Variants in PDE4B observed in about 807,000 individuals in gnomAD.
The protein encoded by PDE4B is phosphodiesterase 4B, also known as 3',5'-cyclic-AMP phosphodiesterase 4B.
Under a neutral mutation model 82.2 loss-of-function variants are expected in PDE4B, and 20 were observed. That is an observed-to-expected ratio of 0.24 (90% CI 0.17 to 0.35). PDE4B has a LOEUF of 0.35. Ranked by LOEUF, PDE4B falls within the 10% of genes least tolerant of loss-of-function variation. PDE4B has a pLI of 1.00. For missense variants in PDE4B, 655 were observed against 907.2 expected (o/e 0.72, Z 3.57); for synonymous variants, 320 against 318.9 (o/e 1.00, Z -0.04).
intron 1 of PDE4B, among the ~76,000 whole-genome samples, chr1:65,823,466 A>ACTGTCTTT (rs1645978911): frequency 6.6e-6 from 1 of 150,708 alleles, no homozygotes; most frequent in Non-Finnish European, 1.5e-5. Context: ...GTTGAGAGTG[A>ACTGTCTTT]CTGTCTTTAT....
intron 7 of PDE4B, among the ~76,000 whole-genome samples, chr1:66,317,343 C>T (rs1226641036): frequency 6.6e-6 from 1 of 152,164 alleles, no homozygotes; most frequent in Non-Finnish European, 1.5e-5. Flanking sequence ...CTCTGCTGCA[C>T]CAAACCCTAC....
intron 3 of PDE4B, among the ~76,000 whole-genome samples, chr1:66,056,215 T>C (rs2100878535): frequency 6.6e-6 from 1 of 152,324 alleles, no homozygotes; most frequent in African/African-American, 2.4e-5. Context: ...ATTTCAATTG[T>C]TATTTGCATG....
intron 3 of PDE4B, among the ~76,000 whole-genome samples, chr1:66,151,477 A>G (rs1340156674): frequency 6.6e-6 from 1 of 152,112 alleles, no homozygotes; most frequent in Non-Finnish European, 1.5e-5. Flanking sequence ...AGTCTGACAA[A>G]ATCTCAATCA....
At chr1:65,922,093 C>T (rs1360666085) in intron 3 of PDE4B, among the ~76,000 whole-genome samples, 1 of 152,120 alleles carries the variant, frequency 6.6e-6, no homozygotes, top group East Asian at 1.9e-4. Flanking sequence ...TTTTATTTGT[C>T]ATGGAGCAAG....
intron 3 of PDE4B, among the ~76,000 whole-genome samples, chr1:66,216,056 C>A (rs1158377459): frequency 6.6e-6 from 1 of 152,016 alleles, no homozygotes; most frequent in Admixed American, 6.6e-5. Flanking sequence ...AACTCAAAAA[C>A]CATGTGAGGT....
intron 3 of PDE4B, among the ~76,000 whole-genome samples, chr1:66,206,180 C>T (rs1649536031): frequency 6.6e-6 from 1 of 152,182 alleles, no homozygotes; most frequent in Non-Finnish European, 1.5e-5. Flanking sequence ...TGGATATTTT[C>T]TCTCAGGGTC....
At chr1:66,092,770 G>A (rs1432263018) in intron 3 of PDE4B, among the ~76,000 whole-genome samples, 1 of 151,934 alleles carries the variant, frequency 6.6e-6, no homozygotes, top group Admixed American at 6.6e-5. Flanking sequence ...GAGAAAGTTG[G>A]GTGTGGGTGG....
chr1:65,795,815 C>T (rs1022186568), intron 1 of PDE4B, among the ~76,000 whole-genome samples: 1 of 152,180 alleles, frequency 6.6e-6, no homozygotes, highest in South Asian at 2.1e-4. Context: ...GATAACAAGG[C>T]GGTTCCCAAG....
chr1:65,843,748 T>C (rs1400931253), intron 1 of PDE4B, among the ~76,000 whole-genome samples: 2 of 152,144 alleles, frequency 1.3e-5, no homozygotes, highest in Non-Finnish European at 2.9e-5. Flanking sequence ...CATATTATTC[T>C]TCCAAAAATT....
chr1:66,074,961 G>A (rs2100938423), intron 3 of PDE4B, among the ~76,000 whole-genome samples: 1 of 152,048 alleles, frequency 6.6e-6, no homozygotes, highest in Non-Finnish European at 1.5e-5. Flanking sequence ...CCCCCAAATT[G>A]GGTCTTAGCG....
intron 3 of PDE4B, among the ~76,000 whole-genome samples, chr1:66,227,978 A>G (rs1157206174): frequency 6.6e-6 from 1 of 152,224 alleles, no homozygotes; most frequent in East Asian, 1.9e-4. Flanking sequence ...AAAGCTTTGT[A>G]TGAAATGGCT....
intron 3 of PDE4B, among the ~76,000 whole-genome samples, chr1:66,117,608 C>T (rs1225255950): frequency 6.6e-6 from 1 of 151,642 alleles, no homozygotes; most frequent in African/African-American, 2.4e-5. Flanking sequence ...TTTGTATGTT[C>T]CTCATAATAC....
chr1:66,073,472 T>C (rs1656265995), intron 3 of PDE4B, among the ~76,000 whole-genome samples: 1 of 152,090 alleles, frequency 6.6e-6, no homozygotes, highest in South Asian at 2.1e-4. Flanking sequence ...ATAGAAGGGA[T>C]GGGGAAACTA....
chr1:66,266,388 A>G (rs1490521525), intron 7 of PDE4B, among the ~76,000 whole-genome samples: 3 of 152,216 alleles, frequency 2.0e-5, no homozygotes, highest in Non-Finnish European at 4.4e-5. Flanking sequence ...TTGACAGTGC[A>G]GCTTGACCTC....
intron 3 of PDE4B, among the ~76,000 whole-genome samples, chr1:66,032,771 T>A (rs1004848162): frequency 1.3e-5 from 2 of 151,516 alleles, no homozygotes; most frequent in Admixed American, 1.3e-4. Context: ...TTCTCCTGCC[T>A]CAGCCTCTTG....
chr1:65,845,200 G>A (rs894502907), intron 1 of PDE4B, among the ~76,000 whole-genome samples: 1 of 152,122 alleles, frequency 6.6e-6, no homozygotes, highest in African/African-American at 2.4e-5. Context: ...TCAGAAGTGA[G>A]CTTAAACAAC....
chr1:65,860,995 G>A, intron 1 of PDE4B, among the ~76,000 whole-genome samples: 1 of 152,094 alleles, frequency 6.6e-6, no homozygotes, highest in East Asian at 1.9e-4. Flanking sequence ...CATTCTGTAG[G>A]TTGCCTGTTC....
chr1:66,183,094 T>A (rs896781527), intron 3 of PDE4B, among the ~76,000 whole-genome samples: 1 of 152,174 alleles, frequency 6.6e-6, no homozygotes, highest in Non-Finnish European at 1.5e-5. Context: ...GAGACAAGAC[T>A]GCTCTCACCA....
chr1:66,140,157 GT>G (rs1327236460), intron 3 of PDE4B, among the ~76,000 whole-genome samples: 1 of 151,912 alleles, frequency 6.6e-6, no homozygotes, highest in African/African-American at 2.4e-5. Context: ...GTTTTAAACT[GT>G]TATCACCCAA....
Sources: allele counts gnomAD v4.1 joint callset (sites outside exome capture counted in the v4.1 genomes callset), GRCh38; gene constraint gnomAD v4.1.1; transcripts MANE v1.5; gene names NCBI Gene and HGNC (gene_info 2026-07-23, HGNC 2026-07-21).